Variants in PPP5C observed in about 807,000 individuals in gnomAD.
PPP5C encodes the protein protein phosphatase 5 catalytic subunit, also known as serine/threonine-protein phosphatase 5.
PPP5C carries 21 observed loss-of-function variants against 66.7 expected under a neutral mutation model. That is an observed-to-expected ratio of 0.31 (90% CI 0.22 to 0.45). The LOEUF is 0.45. Ranked by LOEUF, PPP5C falls within the 20% of genes least tolerant of loss-of-function variation. PPP5C has a pLI of 1.00. For synonymous variants in PPP5C, 246 were observed against 257.4 expected, an observed-to-expected ratio of 0.96 and a Z score of 0.43; for missense variants, 464 against 675.9, an observed-to-expected ratio of 0.69 and a Z score of 3.48.
chr19:46,369,046 T>C (rs1972537829), intron 2 of PPP5C, among the ~76,000 whole-genome samples: 1 of 152,172 alleles, frequency 6.6e-6, no homozygotes, highest in African/African-American at 2.4e-5. Flanking sequence ...GGTAAGACAG[T>C]GTGGAGTGAG....
chr19:46,348,560 C>T (rs1972127064), intron 1 of PPP5C, among the ~76,000 whole-genome samples: 1 of 152,124 alleles, frequency 6.6e-6, no homozygotes, highest in African/African-American at 2.4e-5. Flanking sequence ...GTGATCCGCC[C>T]ATCTCGGCCT....
chr19:46,360,298 A>G (rs1972361109), intron 2 of PPP5C, among the ~76,000 whole-genome samples: 1 of 152,194 alleles, frequency 6.6e-6, no homozygotes, highest in South Asian at 2.1e-4. Context: ...TATATTAATG[A>G]GACCCATACA....
In PPP5C at chr19:46,375,701, G is replaced by A; in HGVS notation, c.461G>A (p.Gly154Asp). 1.2e-6 allele frequency: 2 copies of A among 1,612,278 alleles called. No homozygotes were observed. The highest frequency in any genetic ancestry group is 1.7e-6 in the Non-Finnish European group (2 of 1,179,096). ...KQKAFERAIA[G>D]DEHKRSVVDS... ...AAGGCCTTTGAGCGGGCCATCGCGGGCGACGAGCACAAGCGCTCCGTGGTG... is the reference window on the plus strand; with the variant it reads ...AAGGCCTTTGAGCGGGCCATCGCGGACGACGAGCACAAGCGCTCCGTGGTG... The change falls in exon 3 of 13, where the codon GGC becomes GAC. Residue 154 changes from glycine (G) to aspartate (D), a missense_variant. By Grantham distance (94) the Gly-to-Asp change is moderately conservative (BLOSUM62 -1). Coordinates refer to ENST00000012443, the MANE Select transcript of PPP5C (RefSeq NM_006247.4).
intron 2 of PPP5C, among the ~76,000 whole-genome samples, chr19:46,363,797 A>G (rs1193919621): frequency 2.0e-5 from 3 of 152,374 alleles, no homozygotes; most frequent in African/African-American, 7.2e-5. Flanking sequence ...AATATACAAA[A>G]ACATGTATAG....
intron 4 of PPP5C, chr19:46,381,394 C>T (rs2147396346): frequency 6.6e-6 from 1 of 152,092 alleles, no homozygotes; most frequent in East Asian, 1.9e-4. Context: ...TATTGTATGC[C>T]AGCTATTTTG....
intron 2 of PPP5C, among the ~76,000 whole-genome samples, chr19:46,373,957 G>T (rs2147387131): frequency 1.3e-5 from 2 of 152,288 alleles, no homozygotes; most frequent in Middle Eastern, 6.8e-3. Flanking sequence ...GACATGAGTG[G>T]TCTGGCTGGG....
At chr19:46,356,448 G>C (rs1972288746) in intron 2 of PPP5C, among the ~76,000 whole-genome samples, 1 of 152,244 alleles carries the variant, frequency 6.6e-6, no homozygotes, top group Non-Finnish European at 1.5e-5. Context: ...GCAGAGCAAA[G>C]ACGTGACCTT....
intron 2 of PPP5C, among the ~76,000 whole-genome samples, chr19:46,369,172 AGCATCATAGAGTGT>A (rs373675496): frequency 0.017 from 2,519 of 152,284 alleles, 84 homozygotes; most frequent in African/African-American, 0.058. Context: ...TCATTGTGTG[AGCATCATAGAGTGT>A]GCTTACACAA....
At chr19:46,366,719 A>G (rs1164679338) in intron 2 of PPP5C, among the ~76,000 whole-genome samples, 2 of 152,252 alleles carry the variant, frequency 1.3e-5, no homozygotes, top group Non-Finnish European at 2.9e-5. Flanking sequence ...ATTGGTTTAC[A>G]GAAATAACAT....
chr19:46,347,306 C>T, intron 1 of PPP5C, 89 bp downstream of exon 1: 1 of 1,471,654 alleles, frequency 6.8e-7, no homozygotes, highest in Non-Finnish European at 9.0e-7. Context: ...GAGCTGCAGC[C>T]TGGGCGCGGG....
chr19:46,354,121 C>A, intron 2 of PPP5C, 132 bp downstream of exon 2: 1 of 1,353,822 alleles, frequency 7.4e-7, no homozygotes, highest in Admixed American at 2.3e-5. Flanking sequence ...GCCTGTGGGG[C>A]CTTGGGCCCA....
Position 46,376,351 on chromosome 19 carries a change from TG to T in PPP5C, c.512-101del. On this transcript the variant is annotated intron_variant, in intron 3 of 12. Coordinates refer to ENST00000012443, the MANE Select transcript of PPP5C (RefSeq NM_006247.4). This position sits in a 1 kb window ranked among gnomAD's most constrained non-coding sequence, Gnocchi z 5.1. Reference sequence around the variant, plus strand: ...CTCACTCTGTCCCGCTCTCGACCTGTGTGTCCACACCCAAGTTTTCCCCATC... The same window carrying T: ...CTCACTCTGTCCCGCTCTCGACCTGTTGTCCACACCCAAGTTTTCCCCATC... 6.8e-7 allele frequency: 1 copy of T among 1,471,114 alleles called. No individual in the cohort carries two copies. Among genetic ancestry groups the T allele is most frequent in the Non-Finnish European group, 9.3e-7 (1 of 1,073,640 alleles). 91.1% of individuals were successfully genotyped at this position (1,471,114 alleles called of 1,614,324 possible).
chr19:46,387,423 A>AT lies in PPP5C; in HGVS notation c.1107dup (p.Glu370Ter). The AT allele has an allele frequency of 6.2e-7, 1 of 1,613,446 alleles. No homozygotes were observed. The highest frequency in any genetic ancestry group is 8.5e-7 in the Non-Finnish European group (1 of 1,179,420). On this transcript the variant is annotated frameshift_variant, in exon 9 of 13. Transcript: ENST00000012443. LOFTEE classifies it high-confidence loss of function. Reference sequence around the variant, plus strand: ...TGTCACCCTGGATGACATCCGGAAAATTGAGCGGAATCGACAACCCCCAGA... The same window carrying AT: ...TGTCACCCTGGATGACATCCGGAAAATTTGAGCGGAATCGACAACCCCCAGA...
In PPP5C at chr19:46,383,918, C is replaced by T. The variant is rs1307669024; in HGVS notation, c.798+40C>T. On this transcript the variant is annotated intron_variant, in intron 6 of 12. Coordinates refer to ENST00000012443, the MANE Select transcript of PPP5C (RefSeq NM_006247.4). The surrounding 1 kb of genome is among the most constrained non-coding windows in gnomAD (Gnocchi z 5.0). ...AGAGCCACCCTCTCCCCACCTCCAC[C>T]CCCAGCCGCAGCCTCAGGTCTGCAC... is the stretch of plus-strand genomic sequence containing the variant. 6.7e-7 allele frequency: 1 copy of T among 1,503,238 alleles called. No individual in the cohort carries two copies. Among genetic ancestry groups the T allele is most frequent in the Non-Finnish European group, 9.3e-7 (1 of 1,079,786 alleles). The allele number at this position is 1,503,238 out of a possible 1,614,324, so 93.1% of individuals were successfully genotyped here.
intron 1 of PPP5C, among the ~76,000 whole-genome samples, chr19:46,347,652 G>T (rs988080317): frequency 4.1e-5 from 6 of 147,650 alleles, no homozygotes; most frequent in African/African-American, 1.5e-4. Flanking sequence ...TGGGGGTGGG[G>T]AATGGATCAT....
At chr19:46,348,097 C>T (rs776893538) in intron 1 of PPP5C, among the ~76,000 whole-genome samples, 2 of 151,936 alleles carry the variant, frequency 1.3e-5, no homozygotes, top group Non-Finnish European at 2.9e-5. Flanking sequence ...GAGCAGGAGG[C>T]GTTTAAGCTG....
Position 46,376,961 on chromosome 19 carries a change from C to A in PPP5C, c.633+387C>A, listed in dbSNP as rs115356737. On this transcript the variant is annotated intron_variant, in intron 4 of 12. Transcript: ENST00000012443. The surrounding 1 kb of genome is among the most constrained non-coding windows in gnomAD (Gnocchi z 5.1). ...GTTGCTCCTAGTCCTGAGACCACCCCCTCCCCGACCTAGGAGGGCAGCTGG... is the reference window on the plus strand; with the variant it reads ...GTTGCTCCTAGTCCTGAGACCACCCACTCCCCGACCTAGGAGGGCAGCTGG... Among the ~76,000 whole-genome samples, 8 of 152,126 alleles carry A rather than the reference C, an allele frequency of 5.3e-5. No individual in the cohort carries two copies. The highest frequency in any genetic ancestry group is 9.7e-5 in the African/African-American group (4 of 41,418).
At chr19:46,351,315 C>T (rs1267219495) in intron 1 of PPP5C, among the ~76,000 whole-genome samples, 1 of 152,190 alleles carries the variant, frequency 6.6e-6, no homozygotes, top group Non-Finnish European at 1.5e-5. Flanking sequence ...GCGCATAGAA[C>T]AGGGCCAGGA....
Position 46,383,510 on chromosome 19 carries a change from C to T in PPP5C, c.699+34C>T, listed in dbSNP as rs1972830815. On this transcript the variant is annotated intron_variant, in intron 5 of 12. Coordinates refer to ENST00000012443, the MANE Select transcript of PPP5C (RefSeq NM_006247.4). This position sits in a 1 kb window ranked among gnomAD's most constrained non-coding sequence, Gnocchi z 5.0. Reference sequence around the variant, plus strand: ...TGTGGGGCAGTGCGGGGAGGGCCAGCGGGGGTGGGCTCTCTGGCTGGGGAG... The same window carrying T: ...TGTGGGGCAGTGCGGGGAGGGCCAGTGGGGGTGGGCTCTCTGGCTGGGGAG... The T allele has an allele frequency of 4.0e-6, 4 of 1,011,854 alleles. No homozygotes were observed. Among genetic ancestry groups the T allele is most frequent in the South Asian group, 1.3e-5 (1 of 76,628 alleles). 62.7% of individuals were successfully genotyped at this position (1,011,854 alleles called of 1,614,324 possible). A position where few individuals can be genotyped will look rare whatever the true frequency, so the allele number is the denominator to read the frequency against.
Sources: allele counts gnomAD v4.1 joint callset (sites outside exome capture counted in the v4.1 genomes callset), GRCh38; gene constraint gnomAD v4.1.1; non-coding constraint Gnocchi (gnomAD v3.1); transcripts MANE v1.5; gene names NCBI Gene and HGNC (gene_info 2026-07-23, HGNC 2026-07-21).